The following GABRB1 variants were observed in gnomAD, a reference collection of about 807,000 sequenced individuals.
GABRB1 encodes gamma-aminobutyric acid type A receptor subunit beta1.
A neutral mutation model predicts 51.6 loss-of-function variants in GABRB1; 17 were observed. The ratio of observed to expected loss-of-function variants is 0.33; its 90% confidence interval spans 0.23 to 0.49. The LOEUF (loss-of-function observed/expected upper bound fraction) is 0.49. Ranked by LOEUF, GABRB1 falls within the 20% of genes least tolerant of loss-of-function variation. GABRB1 has a pLI of 0.99. For synonymous variants in GABRB1, 247 were observed against 218.9 expected, an observed-to-expected ratio of 1.13 and a Z score of -1.14; for missense variants, 410 against 600.6, an observed-to-expected ratio of 0.68 and a Z score of 3.32.
intron 5 of GABRB1, among the ~76,000 whole-genome samples, chr4:47,347,760 T>C (rs1320925059): frequency 1.3e-5 from 2 of 152,178 alleles, no homozygotes; most frequent in Admixed American, 1.3e-4. Flanking sequence ...TGTTCATTCA[T>C]TGACCAATGG....
At chr4:47,088,949 T>G (rs780431333) in intron 3 of GABRB1, among the ~76,000 whole-genome samples, 2 of 152,218 alleles carry the variant, frequency 1.3e-5, no homozygotes, top group Non-Finnish European at 2.9e-5. Context: ...GACTTCTTTG[T>G]CTTGTGTGCA....
rs182280973 is a variant in GABRB1 at position 47,167,315 on chromosome 4, C to T, written c.461+5846C>T. Among the ~76,000 whole-genome samples the T allele has an allele frequency of 2.1e-3, 321 of 152,102 alleles. 1 individual carries two copies. Among genetic ancestry groups the T allele is most frequent in the African/African-American group, 7.3e-3 (303 of 41,486 alleles). On this transcript the variant is annotated intron_variant, in intron 4 of 8. Transcript: ENST00000295454. ...TCTCTCCAAGCCCCAGCCATGTGCG[C>T]GCTGAAACACTGTGTTTATCTTTCC...
chr4:47,350,218 T>TATATAGAGAGAGAGAGAG (rs750199965), intron 5 of GABRB1, among the ~76,000 whole-genome samples: 5 of 56,652 alleles, frequency 8.8e-5, no homozygotes, highest in African/African-American at 3.2e-4. Flanking sequence ...TATATATATA[T>TATATAGAGAGAGAGAGAG]AGAGAGAGAG....
chr4:47,417,816 T>C (rs1728977903), intron 8 of GABRB1, among the ~76,000 whole-genome samples: 1 of 152,224 alleles, frequency 6.6e-6, no homozygotes, highest in African/African-American at 2.4e-5. Context: ...CCCAGAGGTG[T>C]TCCTCGACAG....
chr4:47,277,853 A>G (rs1286957926), intron 4 of GABRB1, among the ~76,000 whole-genome samples: 1 of 152,036 alleles, frequency 6.6e-6, no homozygotes, highest in African/African-American at 2.4e-5. Flanking sequence ...AGTATATATA[A>G]CTACATTATA....
At chr4:47,359,832 G>A (rs1726732211) in intron 5 of GABRB1, among the ~76,000 whole-genome samples, 2 of 152,042 alleles carry the variant, frequency 1.3e-5, no homozygotes, top group African/African-American at 2.4e-5. Context: ...AGGGTAATTT[G>A]TGGTCAAAAG....
rs1274644629 is a variant in GABRB1, at chr4:47,363,554, A to G, written c.545-39764A>G. The stretch of plus-strand genomic sequence containing the variant: ...CCCAGGTCATATTTATAATACCAGT[A>G]AGCAGAAAGAGGCTTATTATAAAAT... On this transcript the variant is annotated intron_variant, in intron 5 of 8. Transcript: ENST00000295454. Among the ~76,000 whole-genome samples the G allele has an allele frequency of 1.1e-4, 17 of 152,136 alleles. 1 individual carries two copies. The highest frequency in any genetic ancestry group is 1.1e-3 in the Admixed American group (17 of 15,256).
intron 4 of GABRB1, among the ~76,000 whole-genome samples, chr4:47,221,894 A>G (rs575793958): frequency 2.9e-4 from 44 of 152,198 alleles, no homozygotes; most frequent in African/African-American, 1.0e-3. Flanking sequence ...GGCCAACAGC[A>G]CTATAACTCA....
intron 3 of GABRB1, among the ~76,000 whole-genome samples, chr4:47,058,838 A>C (rs999385331): frequency 6.6e-6 from 1 of 152,222 alleles, no homozygotes; most frequent in Non-Finnish European, 1.5e-5. Context: ...TAAAGTTTTA[A>C]TCACTAAGAA....
At chr4:47,403,909 AC>A (rs1429212188) in intron 7 of GABRB1, among the ~76,000 whole-genome samples, 198 bp downstream of exon 7, 5 of 152,328 alleles carry the variant, frequency 3.3e-5, no homozygotes, top group Admixed American at 1.3e-4. Context: ...TTAGCATTTT[AC>A]CAAAACAAAC....
chr4:47,392,864 A>C (rs927155824), intron 5 of GABRB1, among the ~76,000 whole-genome samples: 3 of 152,232 alleles, frequency 2.0e-5, no homozygotes. Context: ...CTTCCCTAGA[A>C]GAGAAAGAAG....
chr4:47,043,963 A>G (rs985745445), intron 3 of GABRB1, among the ~76,000 whole-genome samples: 2 of 152,126 alleles, frequency 1.3e-5, no homozygotes, highest in African/African-American at 4.8e-5. Context: ...TAGAAAACAG[A>G]ATAAGGAGAA....
intron 4 of GABRB1, among the ~76,000 whole-genome samples, chr4:47,298,762 A>C (rs1443557477): frequency 6.6e-6 from 1 of 152,212 alleles, no homozygotes; most frequent in Non-Finnish European, 1.5e-5. Flanking sequence ...TGGAAACAAA[A>C]AAGAACCTGC....
chr4:47,261,663 G>T (rs1265029339), intron 4 of GABRB1, among the ~76,000 whole-genome samples: 1 of 151,828 alleles, frequency 6.6e-6, no homozygotes, highest in Non-Finnish European at 1.5e-5. Context: ...AGCTACCAAT[G>T]ACTTTCTTCA....
intron 4 of GABRB1, among the ~76,000 whole-genome samples, chr4:47,162,114 C>CTCTG (rs1213203257): frequency 6.6e-6 from 1 of 151,980 alleles, no homozygotes; most frequent in East Asian, 1.9e-4. Flanking sequence ...CTTTCAACTT[C>CTCTG]AGTTAAAAAT....
At chr4:47,087,671 T>A (rs1176520988) in intron 3 of GABRB1, among the ~76,000 whole-genome samples, 1 of 151,816 alleles carries the variant, frequency 6.6e-6, no homozygotes, top group Non-Finnish European at 1.5e-5. Context: ...TATTATGGAG[T>A]TTTCCTTTGA....
Position 47,406,672 on chromosome 4 carries a change from T to C in GABRB1, c.836-10T>C. 6.2e-7 allele frequency: 1 copy of C among 1,614,006 alleles called. No homozygotes were observed. The highest frequency in any genetic ancestry group is 1.1e-5 in the South Asian group (1 of 91,066). ...CACCTTCAGCTAAGTGTTGTCTTTC[T>C]CTTTCACAGGAATCACGACAGTGCT... is the stretch of plus-strand genomic sequence containing the variant. On this transcript the variant is annotated splice_polypyrimidine_tract_variant and intron_variant, in intron 7 of 8. Transcript: ENST00000295454.
chr4:47,262,937 G>A (rs974393735), intron 4 of GABRB1, among the ~76,000 whole-genome samples: 2 of 150,406 alleles, frequency 1.3e-5, no homozygotes, highest in African/African-American at 4.9e-5. Context: ...GCAAACTATT[G>A]CAAGGACAAA....
chr4:47,099,067 C>G (rs751463644), intron 3 of GABRB1, among the ~76,000 whole-genome samples: 1 of 152,046 alleles, frequency 6.6e-6, no homozygotes, highest in Non-Finnish European at 1.5e-5. Context: ...CTCCCCTCCA[C>G]GTTTGGCAAT....
Sources: allele counts gnomAD v4.1 joint callset (sites outside exome capture counted in the v4.1 genomes callset), GRCh38; gene constraint gnomAD v4.1.1; transcripts MANE v1.5; gene names NCBI Gene and HGNC (gene_info 2026-07-23, HGNC 2026-07-21).